CMAS: variants seen among roughly 807,000 people sequenced by gnomAD.
CMAS encodes the protein N-acylneuraminate cytidylyltransferase.
Under a neutral mutation model 53.4 loss-of-function variants are expected in CMAS, and 21 were observed. The observed-to-expected ratio is 0.39, with a 90% CI of 0.28 to 0.57. The LOEUF (loss-of-function observed/expected upper bound fraction) is 0.57. Ranked by LOEUF, CMAS falls within the 20% of genes least tolerant of loss-of-function variation. The pLI is 0.56. For missense variants in CMAS, 384 were observed against 534.9 expected, an observed-to-expected ratio of 0.72 and a Z score of 2.78; for synonymous variants, 189 against 195.2, an observed-to-expected ratio of 0.97 and a Z score of 0.27.
intron 3 of CMAS, among the ~76,000 whole-genome samples, chr12:22,057,271 A>G (rs1203312744): frequency 2.7e-5 from 4 of 150,682 alleles, no homozygotes. Context: ...ACACACACAC[A>G]CACAGATTTG....
chr12:22,049,407 T>G (rs565815983), intron 1 of CMAS, among the ~76,000 whole-genome samples: 2 of 152,222 alleles, frequency 1.3e-5, no homozygotes, highest in African/African-American at 2.4e-5. Context: ...GATTGGAAAA[T>G]ATGTATATAT....
At chr12:22,060,777 G>T in intron 4 of CMAS, 55 bp from the exon 5 acceptor site, 13 of 972,138 alleles carry the variant, frequency 1.3e-5, no homozygotes, top group Non-Finnish European at 1.8e-5. Context: ...ATAAAGTTTT[G>T]ATATATGTGA....
At chr12:22,061,132 A>G in intron 5 of CMAS, 149 bp from the exon 6 acceptor site, 1 of 685,960 alleles carries the variant, frequency 1.5e-6, no homozygotes, top group South Asian at 1.8e-5. Context: ...TTACTGTACT[A>G]TATGTTAAAA....
rs780133752 is a variant in CMAS at position 22,046,504 on chromosome 12, G to C, written c.201G>C (p.Ala67=). ...GIPLKNIKHL[A]GVPLIGWVLR... is the part of the protein sequence containing the mutation. The stretch of plus-strand genomic sequence containing the variant: ...CCCTGAAGAACATTAAGCACCTGGC[G>C]GGGGTCCCGCTCATTGGCTGGGTCC... The change falls in exon 1 of 8, where the codon GCG becomes GCC. Residue 67 remains alanine (A), a synonymous_variant. Transcript: ENST00000229329. 248 of 1,606,484 alleles carry C rather than the reference G, an allele frequency of 1.5e-4. 3 individuals are homozygous for C. In the South Asian group the frequency reaches 2.2e-3, roughly 14 times the overall value.
At chr12:22,058,069 C>T (rs376824549) in intron 3 of CMAS, among the ~76,000 whole-genome samples, 11 of 151,570 alleles carry the variant, frequency 7.3e-5, no homozygotes, top group African/African-American at 2.2e-4. Context: ...TCAAGTGATC[C>T]GCCCGCCTTG....
intron 7 of CMAS, among the ~76,000 whole-genome samples, chr12:22,063,175 TAA>T (rs1298384902): frequency 1.3e-5 from 2 of 152,340 alleles, no homozygotes; most frequent in East Asian, 3.9e-4. Context: ...TTAAAATTGA[TAA>T]GTTATTAAGA....
intron 1 of CMAS, 113 bp from the exon 2 acceptor site, chr12:22,055,036 G>T: frequency 3.0e-6 from 2 of 660,790 alleles, no homozygotes; most frequent in Non-Finnish European, 4.8e-6. Context: ...TATTATCATT[G>T]TGCAAAAAAT....
chr12:22,051,955 A>G (rs1950241047), intron 1 of CMAS, among the ~76,000 whole-genome samples: 1 of 152,168 alleles, frequency 6.6e-6, no homozygotes, highest in Admixed American at 6.5e-5. Flanking sequence ...ACTTACCTCC[A>G]TTTTACTGAA....
intron 1 of CMAS, among the ~76,000 whole-genome samples, chr12:22,054,415 C>A (rs1950255212): frequency 6.6e-6 from 1 of 152,104 alleles, no homozygotes; most frequent in African/African-American, 2.4e-5. Context: ...AAGTTAAATT[C>A]TTTTGAGCTA....
At chr12:22,063,701 G>A (rs553845418) in intron 7 of CMAS, 4 of 147,938 alleles carry the variant, frequency 2.7e-5, no homozygotes, top group African/African-American at 1.0e-4. Flanking sequence ...TTTCTACCAC[G>A]AATACGTATT....
chr12:22,065,101 G>A lies in CMAS; in HGVS notation c.1115-20G>A, dbSNP rs748593061. 6 of 1,574,554 alleles carry A rather than the reference G, an allele frequency of 3.8e-6. No individual in the cohort carries two copies. The highest frequency in any genetic ancestry group is 4.3e-6 in the Non-Finnish European group (5 of 1,150,608). On this transcript the variant is annotated intron_variant, in intron 7 of 7. Coordinates refer to ENST00000229329, the MANE Select transcript of CMAS (RefSeq NM_018686.6). ...CTTTGTCTCTTTAAATGTTTGCTCA[G>A]TATTTATTTTACTTGATAGGAAATG...
chr12:22,058,724 C>T (rs747146678), intron 4 of CMAS, 24 bp downstream of exon 4: 2 of 1,606,118 alleles, frequency 1.2e-6, no homozygotes, highest in South Asian at 2.2e-5. Context: ...TTTTGCATAA[C>T]CCTTTTAAGC....
chr12:22,060,019 G>T (rs1950297708), intron 4 of CMAS, among the ~76,000 whole-genome samples: 1 of 151,992 alleles, frequency 6.6e-6, no homozygotes. Flanking sequence ...GTAGCTCAGA[G>T]ATCTAAGAAA....
intron 2 of CMAS, 61 bp from the exon 3 acceptor site, chr12:22,055,394 T>C (rs1950261226): frequency 6.7e-7 from 1 of 1,501,220 alleles, no homozygotes. Context: ...AACCTTAATA[T>C]TACTTGCTTG....
Position 22,061,321 on chromosome 12 carries a change from CTT to C in CMAS, c.832_833del (p.Leu278GlyfsTer5), listed in dbSNP as rs1372014381. On this transcript the variant is annotated frameshift_variant, in exon 6 of 8. Transcript: ENST00000229329. LOFTEE classifies it high-confidence loss of function. The stretch of plus-strand genomic sequence containing the variant: ...CAAAGAGAAGCTTAAGGAAATAAAA[CTT>C]TTGGTTTGCAATATTGATGGATGTC... ...FGKEKLKEIK[L>X]LVCNIDGCLT... is the part of the protein sequence containing the mutation. 6.2e-7 allele frequency: 1 copy of C among 1,611,742 alleles called. No homozygotes were observed. Among genetic ancestry groups the C allele is most frequent in the Non-Finnish European group, 8.5e-7 (1 of 1,179,156 alleles).
chr12:22,065,314 A>C lies in CMAS; in HGVS notation c.*3A>C, dbSNP rs762649542. The C allele has an allele frequency of 3.1e-6, 5 of 1,606,464 alleles. No individual in the cohort carries two copies. The East Asian group carries it at 1.1e-4, about 36-fold the overall frequency. The stretch of plus-strand genomic sequence containing the variant: ...TTAATAATTCATGCCAAAAATAGAA[A>C]TTAGCGTAATATTGAGAAAAAAATG... On this transcript the variant is annotated 3_prime_UTR_variant, in exon 8 of 8. Coordinates refer to ENST00000229329, the MANE Select transcript of CMAS (RefSeq NM_018686.6).
In CMAS at chr12:22,046,284, G is replaced by A; in HGVS notation, c.-20G>A. 7.0e-7 allele frequency: 1 copy of A among 1,434,842 alleles called. No individual in the cohort carries two copies. The highest frequency in any genetic ancestry group is 9.2e-7 in the Non-Finnish European group (1 of 1,090,990). 88.9% of individuals were successfully genotyped at this position (1,434,842 alleles called of 1,614,324 possible). On this transcript the variant is annotated 5_prime_UTR_variant, in exon 1 of 8. Coordinates refer to ENST00000229329, the MANE Select transcript of CMAS (RefSeq NM_018686.6). The stretch of plus-strand genomic sequence containing the variant: ...TAGCTCCCGGATGTGGAGAAGCTGG[G>A]GAGAAGGCGTGGGAGGAAGATGGAC...
At chr12:22,055,054 CATT>C in intron 1 of CMAS, 92 bp from the exon 2 acceptor site, 1 of 821,818 alleles carries the variant, frequency 1.2e-6, no homozygotes, top group Non-Finnish European at 1.8e-6. Context: ...AATATTCTCA[CATT>C]ATATAAGCTG....
intron 1 of CMAS, among the ~76,000 whole-genome samples, chr12:22,051,402 G>C (rs1449572268): frequency 6.6e-6 from 1 of 152,150 alleles, no homozygotes; most frequent in Admixed American, 6.5e-5. Context: ...TTAATGAAAG[G>C]CCTATGCTGT....
Sources: allele counts gnomAD v4.1 joint callset (sites outside exome capture counted in the v4.1 genomes callset), GRCh38; gene constraint gnomAD v4.1.1; transcripts MANE v1.5; gene names NCBI Gene and HGNC (gene_info 2026-07-23, HGNC 2026-07-21).